Variants in MAP3K8 observed in about 807,000 individuals in gnomAD.
The protein encoded by MAP3K8 is Ewing sarcoma transformant.
Under a neutral mutation model 45.8 loss-of-function variants are expected in MAP3K8, and 22 were observed. The ratio of observed to expected loss-of-function variants is 0.48; its 90% CI spans 0.34 to 0.69. The LOEUF is 0.69. Among genes scored for constraint, MAP3K8 ranks in the 30% least tolerant of loss-of-function variants. The pLI, the probability that MAP3K8 is intolerant of heterozygous loss-of-function variation, is 0.01. For missense variants in MAP3K8, 419 were observed against 585.0 expected (o/e 0.72, Z 2.93); for synonymous variants, 223 against 214.3 (o/e 1.04, Z -0.36).
intron 3 of MAP3K8, among the ~76,000 whole-genome samples, chr10:30,446,647 C>T (rs889345342): frequency 2.0e-5 from 3 of 152,046 alleles, no homozygotes; most frequent in African/African-American, 7.2e-5. Flanking sequence ...GCGATTTATC[C>T]CTTGAAAGAA....
At chr10:30,448,501 C>T (rs1006122817) in intron 4 of MAP3K8, among the ~76,000 whole-genome samples, 2 of 151,214 alleles carry the variant, frequency 1.3e-5, no homozygotes, top group Admixed American at 1.3e-4. Flanking sequence ...GTCGGGGTCT[C>T]GGCTCACTGC....
In MAP3K8 at chr10:30,460,917, A is replaced by C. The variant is rs1221599001; in HGVS notation, c.*81A>C. On this transcript the variant is annotated 3_prime_UTR_variant, in exon 9 of 9. Coordinates refer to ENST00000263056, the MANE Select transcript of MAP3K8 (RefSeq NM_005204.4). ...TGCTGCCTCTACACAGGGGCCCTGT[A>C]CAGTGAATGGTGCCATTTTCGAAGG... The C allele has an allele frequency of 6.5e-7, 1 of 1,530,680 alleles. No individual in the cohort carries two copies. Among genetic ancestry groups the C allele is most frequent in the African/African-American group, 1.4e-5 (1 of 72,042 alleles). The allele number at this position is 1,530,680 out of a possible 1,614,324, so 94.8% of individuals were successfully genotyped here. A position where few individuals can be genotyped will look rare whatever the true frequency, so the allele number is the denominator to read the frequency against.
chr10:30,447,701 A>C, intron 3 of MAP3K8, 81 bp from the exon 4 acceptor site: 1 of 1,024,626 alleles, frequency 9.8e-7, no homozygotes, highest in Non-Finnish European at 1.5e-6. Context: ...TGCTAAAATA[A>C]CCAGCTTCCT....
In MAP3K8 at chr10:30,448,261, T is replaced by C. The variant is rs372615483; in HGVS notation, c.504+312T>C. Among the ~76,000 whole-genome samples the C allele has an allele frequency of 2.6e-5, 4 of 152,168 alleles. No homozygotes were observed. In the East Asian group the frequency reaches 7.7e-4, roughly 29 times the overall value. On this transcript the variant is annotated intron_variant, in intron 4 of 8. Coordinates refer to ENST00000263056, the MANE Select transcript of MAP3K8 (RefSeq NM_005204.4). ...AGTAGAGAAGAGCCATCCTGCAAAG[T>C]AGGAGCAATTCTCTGTGCTTCTCCT...
In MAP3K8 at chr10:30,460,888, G is replaced by A. The variant is rs1564376255; in HGVS notation, c.*52G>A. The A allele has an allele frequency of 6.2e-7, 1 of 1,603,710 alleles. No homozygotes were observed. The highest frequency in any genetic ancestry group is 8.5e-7 in the Non-Finnish European group (1 of 1,177,038). On this transcript the variant is annotated 3_prime_UTR_variant, in exon 9 of 9. Transcript: ENST00000263056. The stretch of plus-strand genomic sequence containing the variant: ...GACAGCATTGATCTCCTGGAGGCTG[G>A]TTCTGCTGCCTCTACACAGGGGCCC...
rs1836013520 is a variant in MAP3K8, at chr10:30,439,199, T to C, written c.261T>C (p.Phe87=). ...RYGTVEDLLA[F]ANHISNTAKH... is the part of the protein sequence containing the mutation. ...GAACTGTGGAGGATTTGCTTGCTTTTGCAAACCATATATCCAACACTGCAA... is the reference window on the plus strand; with the variant it reads ...GAACTGTGGAGGATTTGCTTGCTTTCGCAAACCATATATCCAACACTGCAA... Residue 87 remains phenylalanine (F), a synonymous_variant, in exon 3 of 9, where the codon TTT becomes TTC. Transcript: ENST00000263056. 1 of 1,614,248 alleles carries C rather than the reference T, an allele frequency of 6.2e-7. No individual in the cohort carries two copies. Among genetic ancestry groups the C allele is most frequent in the East Asian group, 2.2e-5 (1 of 44,884 alleles).
intron 6 of MAP3K8, among the ~76,000 whole-genome samples, chr10:30,454,184 TAGAG>T (rs936491455): frequency 6.6e-6 from 1 of 151,850 alleles, no homozygotes; most frequent in African/African-American, 2.4e-5. Context: ...CCATAGGAAA[TAGAG>T]AGAGGGTCTT....
At chr10:30,435,328 G>A (rs1330734899) in intron 1 of MAP3K8, among the ~76,000 whole-genome samples, 3 of 152,174 alleles carry the variant, frequency 2.0e-5, no homozygotes, top group Admixed American at 1.3e-4. Flanking sequence ...GCGACGGATT[G>A]AGGTTTGTGT....
chr10:30,458,859 G>A (rs1293395051), intron 7 of MAP3K8, among the ~76,000 whole-genome samples: 1 of 152,166 alleles, frequency 6.6e-6, no homozygotes, highest in East Asian at 1.9e-4. Flanking sequence ...AGGATCTCTT[G>A]AGCCCAGAAA....
chr10:30,451,338 T>C (rs1435166583), intron 5 of MAP3K8, among the ~76,000 whole-genome samples: 2 of 152,174 alleles, frequency 1.3e-5, no homozygotes, highest in African/African-American at 4.8e-5. Context: ...TTTTCTGTTT[T>C]AGAAAAGTGG....
chr10:30,447,117 C>T (rs903876684), intron 3 of MAP3K8, among the ~76,000 whole-genome samples: 3 of 152,132 alleles, frequency 2.0e-5, no homozygotes, highest in African/African-American at 4.8e-5. Flanking sequence ...GCTCATGAAC[C>T]CTGGGAGGTC....
chr10:30,455,169 A>G (rs1836693755), intron 6 of MAP3K8, among the ~76,000 whole-genome samples: 1 of 152,150 alleles, frequency 6.6e-6, no homozygotes, highest in South Asian at 2.1e-4. Flanking sequence ...TGGTGTTTAT[A>G]AATATAAACT....
chr10:30,441,211 C>T (rs1369148719), intron 3 of MAP3K8, among the ~76,000 whole-genome samples: 17 of 150,934 alleles, frequency 1.1e-4, no homozygotes, highest in African/African-American at 3.9e-4. Flanking sequence ...GGCTGGAGTG[C>T]CGTGGCGCAA....
Position 30,450,742 on chromosome 10 carries a change from A to G in MAP3K8, c.766+223A>G, listed in dbSNP as rs550550727. 1.1e-4 allele frequency: 59 copies of G among 543,830 alleles called. No individual in the cohort carries two copies. In the South Asian group the frequency reaches 1.2e-3, roughly 11 times the overall value. 33.7% of individuals were successfully genotyped at this position (543,830 alleles called of 1,614,324 possible). A position where few individuals can be genotyped will look rare whatever the true frequency, so the allele number is the denominator to read the frequency against. On this transcript the variant is annotated intron_variant, in intron 5 of 8. Coordinates refer to ENST00000263056, the MANE Select transcript of MAP3K8 (RefSeq NM_005204.4). ...TACTTTCAACAGTTGTTGAAAGGTT[A>G]TAGCTACATACCTATTAGGTACTGC...
At chr10:30,446,549 A>G (rs8176999) in intron 3 of MAP3K8, among the ~76,000 whole-genome samples, 2,122 of 151,328 alleles carry the variant, frequency 0.014, 50 homozygotes, top group African/African-American at 0.046. Flanking sequence ...AAAAAAAAAA[A>G]AAGAAGAAGA....
rs8177037 is a variant in MAP3K8 at position 30,461,728 on chromosome 10, G to A, written c.*892G>A. 5,760 of 184,822 alleles carry A rather than the reference G, an allele frequency of 0.031. 343 individuals are homozygous for A. The highest frequency in any genetic ancestry group is 0.13 in the African/African-American group (5,473 of 42,670). The allele number at this position is 184,822 out of a possible 1,614,324, so 11.4% of individuals were successfully genotyped here. On this transcript the variant is annotated 3_prime_UTR_variant, in exon 9 of 9. Transcript: ENST00000263056. Reference sequence around the variant, plus strand: ...ATATTTGTAACATTGTAAAGTATGTGAGTAGTCTTATGTAAAGTATGTTTT... The same window carrying A: ...ATATTTGTAACATTGTAAAGTATGTAAGTAGTCTTATGTAAAGTATGTTTT...
At chr10:30,440,530 G>A (rs992742447) in intron 3 of MAP3K8, among the ~76,000 whole-genome samples, 2 of 152,176 alleles carry the variant, frequency 1.3e-5, no homozygotes, top group African/African-American at 2.4e-5. Context: ...TCACAATGGA[G>A]CAAGATAATA....
At chr10:30,460,503 T>A (rs1049251263) in intron 8 of MAP3K8, among the ~76,000 whole-genome samples, 1 of 152,190 alleles carries the variant, frequency 6.6e-6, no homozygotes, top group South Asian at 2.1e-4. Flanking sequence ...TTCTAACTAA[T>A]TTCTTGTCTC....
Position 30,451,450 on chromosome 10 carries a change from G to A in MAP3K8, c.767-188G>A, listed in dbSNP as rs303426. Among the ~76,000 whole-genome samples, 74,870 of 152,014 alleles carry A rather than the reference G, an allele frequency of 0.49. 21,672 individuals are homozygous for A. The highest frequency in any genetic ancestry group is 0.66 in the Non-Finnish European group (44,520 of 67,948). ...ACCCACATTGGCTGTATTCTTGATG[G>A]ATCCAAAGTGATTTTCACCTCAACT... On this transcript the variant is annotated intron_variant, in intron 5 of 8. Coordinates refer to ENST00000263056, the MANE Select transcript of MAP3K8 (RefSeq NM_005204.4).
Sources: gnomAD v4.1 joint callset for allele counts (sites outside exome capture counted in the v4.1 genomes callset) on GRCh38, gnomAD v4.1.1 for gene constraint, MANE v1.5 for transcripts, NCBI Gene and HGNC (gene_info 2026-07-23, HGNC 2026-07-21) for gene names.